The following LRRC7 variants were observed in gnomAD, a reference collection of about 807,000 sequenced individuals.
The protein encoded by LRRC7 is leucine rich repeat containing 7.
In LRRC7, 23 loss-of-function variants were observed where a neutral mutation model predicts 175.7. The observed-to-expected ratio is 0.13, with a 90% CI of 0.09 to 0.19. LRRC7 has a LOEUF of 0.19. Ranked by LOEUF, LRRC7 falls within the 10% of genes least tolerant of loss-of-function variation. LRRC7 has a pLI of 1.00. For missense variants in LRRC7, 1,354 were observed against 1,904.7 expected (o/e 0.71, Z 5.38); for synonymous variants, 685 against 680.9 (o/e 1.01, Z -0.09).
intron 2 of LRRC7, among the ~76,000 whole-genome samples, chr1:69,750,852 C>A (rs1273981547): frequency 6.6e-6 from 1 of 152,170 alleles, no homozygotes; most frequent in African/African-American, 2.4e-5. Context: ...TCTCAGAAGG[C>A]CCCACCTCTT....
intron 7 of LRRC7, among the ~76,000 whole-genome samples, chr1:69,929,452 A>T (rs189225515): frequency 6.6e-6 from 1 of 152,248 alleles, no homozygotes; most frequent in East Asian, 1.9e-4. Context: ...AGACCAAAAC[A>T]CACCTTTAGT....
chr1:69,604,217 C>A (rs1389978694), intron 1 of LRRC7, among the ~76,000 whole-genome samples: 1 of 152,086 alleles, frequency 6.6e-6, no homozygotes, highest in Non-Finnish European at 1.5e-5. Flanking sequence ...CTCCAAACCT[C>A]TCAAAAATTG....
At chr1:69,574,030 G>C (rs1645844696) in intron 1 of LRRC7, among the ~76,000 whole-genome samples, 1 of 152,102 alleles carries the variant, frequency 6.6e-6, no homozygotes. Context: ...CTTAACACAA[G>C]GGGATAGGTA....
chr1:69,578,862 C>T (rs1646074991), intron 1 of LRRC7, among the ~76,000 whole-genome samples: 2 of 150,430 alleles, frequency 1.3e-5, no homozygotes, highest in Non-Finnish European at 1.5e-5. Context: ...TTAATGGGTG[C>T]AGCACACCAG....
chr1:69,569,505 G>A (rs1276293651), intron 1 of LRRC7, among the ~76,000 whole-genome samples: 1 of 151,740 alleles, frequency 6.6e-6, no homozygotes, highest in Non-Finnish European at 1.5e-5. Context: ...TAGCATTAAG[G>A]TAATCATGGC....
At chr1:69,664,667 T>C (rs760803621) in intron 1 of LRRC7, among the ~76,000 whole-genome samples, 2 of 152,232 alleles carry the variant, frequency 1.3e-5, no homozygotes, top group Non-Finnish European at 1.5e-5. Context: ...GATTTTCCTA[T>C]CATATTGCTT....
In LRRC7 at chr1:70,138,113, C is replaced by T. The variant is rs1160672860; in HGVS notation, c.*16226C>T. ...AGTGTTTGGTTTTTCCTTGTAGAAA[C>T]TTAGTGTCATTGCGCATCAACTTAG... On this transcript the variant is annotated 3_prime_UTR_variant, in exon 27 of 27. Coordinates refer to ENST00000651989, the MANE Select transcript of LRRC7 (RefSeq NM_001370785.2). The T allele has an allele frequency of 6.6e-6, 1 of 152,152 alleles. No individual in the cohort carries two copies. Among genetic ancestry groups the T allele is most frequent in the Non-Finnish European group, 1.5e-5 (1 of 68,026 alleles). 9.4% of individuals were successfully genotyped at this position (152,152 alleles called of 1,614,324 possible).
chr1:69,624,204 T>C (rs1651117568), intron 1 of LRRC7, among the ~76,000 whole-genome samples: 1 of 152,338 alleles, frequency 6.6e-6, no homozygotes, highest in South Asian at 2.1e-4. Context: ...TTAGTAATTT[T>C]TAATTGTAGA....
intron 3 of LRRC7, among the ~76,000 whole-genome samples, chr1:69,777,892 A>G (rs188361758): frequency 1.3e-5 from 2 of 152,266 alleles, no homozygotes; most frequent in South Asian, 2.1e-4. Context: ...CATTCCAAAT[A>G]TAAATATGAC....
intron 8 of LRRC7, among the ~76,000 whole-genome samples, chr1:69,973,596 G>C (rs183901515): frequency 1.2e-4 from 19 of 152,160 alleles, no homozygotes; most frequent in Admixed American, 1.2e-3. Flanking sequence ...CATTTTGATT[G>C]ATCATGGTAA....
intron 7 of LRRC7, among the ~76,000 whole-genome samples, chr1:69,855,095 G>T (rs1570346817): frequency 6.6e-6 from 1 of 152,136 alleles, no homozygotes; most frequent in African/African-American, 2.4e-5. Flanking sequence ...AATGAAAGTG[G>T]TTGTTAAGTT....
At chr1:69,619,155 C>A (rs1465200951) in intron 1 of LRRC7, among the ~76,000 whole-genome samples, 2 of 152,048 alleles carry the variant, frequency 1.3e-5, no homozygotes, top group East Asian at 3.9e-4. Flanking sequence ...TCTGTGATTT[C>A]ACTTTCTCCT....
intron 24 of LRRC7, among the ~76,000 whole-genome samples, chr1:70,078,830 A>C (rs867050785): frequency 6.7e-6 from 1 of 149,784 alleles, no homozygotes; most frequent in African/African-American, 2.5e-5. Flanking sequence ...ACACGCACAC[A>C]CACACACACA....
At chr1:69,754,869 T>C (rs1397571982) in intron 2 of LRRC7, among the ~76,000 whole-genome samples, 1 of 152,030 alleles carries the variant, frequency 6.6e-6, no homozygotes, top group Non-Finnish European at 1.5e-5. Context: ...AGTCATCCAC[T>C]TACCATTTAA....
At position 69,910,894 on chromosome 1, in the gene LRRC7, G is replaced by T. The variant is rs1361986076; in HGVS notation, c.648-20613G>T. The stretch of plus-strand genomic sequence containing the variant: ...TGCTTTGTTTGCCTAATCAAGCCTG[G>T]GCAATGGCAGGTGCCCCTTCCCCAG... On this transcript the variant is annotated intron_variant, in intron 7 of 26. Transcript: ENST00000651989. Among the ~76,000 whole-genome samples the T allele has an allele frequency of 2.0e-5, 3 of 152,202 alleles. No individual in the cohort carries two copies. In the East Asian group the frequency reaches 5.8e-4, roughly 29 times the overall value.
chr1:69,630,603 A>C (rs1314499662), intron 1 of LRRC7, among the ~76,000 whole-genome samples: 1 of 148,200 alleles, frequency 6.7e-6, no homozygotes, highest in East Asian at 1.9e-4. Flanking sequence ...TTGATTAATC[A>C]TTTTACTTCA....
intron 1 of LRRC7, among the ~76,000 whole-genome samples, chr1:69,584,129 C>T (rs574160589): frequency 2.0e-5 from 3 of 152,164 alleles, no homozygotes; most frequent in South Asian, 2.1e-4. Flanking sequence ...CAGTTGACAT[C>T]GGCTATAGTT....
At chr1:69,674,324 C>T (rs1250845900) in intron 1 of LRRC7, among the ~76,000 whole-genome samples, 1 of 152,068 alleles carries the variant, frequency 6.6e-6, no homozygotes, top group Non-Finnish European at 1.5e-5. Flanking sequence ...TTAGTTGAGC[C>T]TTCTTCTACT....
At chr1:70,084,636 A>C (rs1269941438) in intron 24 of LRRC7, among the ~76,000 whole-genome samples, 1 of 152,106 alleles carries the variant, frequency 6.6e-6, no homozygotes, top group African/African-American at 2.4e-5. Flanking sequence ...ATTTGTGTGG[A>C]GATATATGTT....
Sources: allele counts gnomAD v4.1 joint callset (sites outside exome capture counted in the v4.1 genomes callset), GRCh38; gene constraint gnomAD v4.1.1; transcripts MANE v1.5; gene names NCBI Gene and HGNC (gene_info 2026-07-23, HGNC 2026-07-21).